Variants in SORCS1 observed in about 807,000 individuals in gnomAD.
SORCS1 encodes sortilin related VPS10 domain containing receptor 1.
A neutral mutation model predicts 146.1 loss-of-function variants in SORCS1; 60 were observed. The ratio of observed to expected loss-of-function variants is 0.41; its 90% confidence interval spans 0.33 to 0.51. The LOEUF (loss-of-function observed/expected upper bound fraction) is 0.51. Ranked by LOEUF, SORCS1 falls within the 20% of genes least tolerant of loss-of-function variation. SORCS1 has a pLI of 0.21. For synonymous variants in SORCS1, 637 were observed against 584.0 expected (o/e 1.09, Z -1.31); for missense variants, 1,352 against 1,487.6 (o/e 0.91, Z 1.50).
chr10:107,146,417 G>T (rs993932434), intron 1 of SORCS1, among the ~76,000 whole-genome samples: 1 of 152,072 alleles, frequency 6.6e-6, no homozygotes, highest in South Asian at 2.1e-4. Context: ...TAGCTTTGGG[G>T]GTTTTGAAAA....
chr10:106,711,808 C>T (rs764090633), intron 6 of SORCS1, among the ~76,000 whole-genome samples: 1 of 152,134 alleles, frequency 6.6e-6, no homozygotes, highest in Non-Finnish European at 1.5e-5. Context: ...TGGGACTATC[C>T]CTTCCCAGAA....
At chr10:106,602,605 T>C (rs958638641) in intron 23 of SORCS1, among the ~76,000 whole-genome samples, 2 of 150,792 alleles carry the variant, frequency 1.3e-5, no homozygotes, top group Non-Finnish European at 2.9e-5. Context: ...TCCTGGATAA[T>C]GGTTCATGAA....
intron 3 of SORCS1, among the ~76,000 whole-genome samples, chr10:106,794,237 G>C (rs75547084): frequency 1.3e-5 from 2 of 152,132 alleles, no homozygotes; most frequent in East Asian, 3.9e-4. Flanking sequence ...CCCCTATAGA[G>C]AGGTCATAAG....
chr10:106,716,293 T>G (rs821947), intron 6 of SORCS1, among the ~76,000 whole-genome samples: 127,200 of 152,078 alleles, frequency 0.84, 54,544 homozygotes, highest in Non-Finnish European at 0.94. Flanking sequence ...CTGTTGGAGC[T>G]ATCTTCTAGG....
At chr10:107,033,330 C>T (rs1016639699) in intron 1 of SORCS1, among the ~76,000 whole-genome samples, 15 of 152,074 alleles carry the variant, frequency 9.9e-5, no homozygotes, top group African/African-American at 2.2e-4. Context: ...GATCGCAACT[C>T]GAAATGAGAT....
intron 9 of SORCS1, among the ~76,000 whole-genome samples, chr10:106,698,847 G>A (rs1021209613): frequency 2.0e-5 from 3 of 152,092 alleles, no homozygotes; most frequent in Admixed American, 6.6e-5. Context: ...TGAGAGACAA[G>A]GGAGTGCATC....
intron 1 of SORCS1, among the ~76,000 whole-genome samples, chr10:107,004,193 A>T (rs996510607): frequency 5.3e-5 from 8 of 151,628 alleles, no homozygotes; most frequent in Non-Finnish European, 1.2e-4. Context: ...AAAAAAAAAA[A>T]AAAAAAGCAG....
chr10:106,717,240 T>A (rs575265354), intron 6 of SORCS1, among the ~76,000 whole-genome samples: 1 of 152,238 alleles, frequency 6.6e-6, no homozygotes, highest in African/African-American at 2.4e-5. Flanking sequence ...GTTCTACTGC[T>A]CTATTACTTA....
At chr10:107,047,801 C>G (rs533616194) in intron 1 of SORCS1, among the ~76,000 whole-genome samples, 2 of 152,196 alleles carry the variant, frequency 1.3e-5, no homozygotes, top group East Asian at 3.9e-4. Context: ...AGGAAGCTTG[C>G]CGGGTGCGTT....
intron 3 of SORCS1, among the ~76,000 whole-genome samples, chr10:106,799,758 T>C (rs1046221837): frequency 6.6e-6 from 1 of 152,060 alleles, no homozygotes; most frequent in South Asian, 2.1e-4. Flanking sequence ...AGTGGAGAAA[T>C]AGGAACACTT....
chr10:106,806,449 C>T (rs1221584688), intron 3 of SORCS1, among the ~76,000 whole-genome samples: 1 of 141,786 alleles, frequency 7.1e-6, no homozygotes, highest in African/African-American at 2.5e-5. Flanking sequence ...GTAGCGTCTA[C>T]CTACCCATGG....
Position 107,164,358 on chromosome 10 carries a change from A to C in SORCS1, c.169T>G (p.Ser57Ala), listed in dbSNP as rs1364930823. 2 of 1,515,206 alleles carry C rather than the reference A, an allele frequency of 1.3e-6. No individual in the cohort carries two copies. Among genetic ancestry groups the C allele is most frequent in the Non-Finnish European group, 1.8e-6 (2 of 1,133,930 alleles). The allele number at this position is 1,515,206 out of a possible 1,614,324, so 93.9% of individuals were successfully genotyped here. ...PRSASTPRGF[S>A]HQGRPGRAPA... ...GCCCTGCCTGGCCGCCCCTGGTGGGAAAAGCCCCTAGGGGTCGAGGCCGAG... is the reference window on the plus strand; with the variant it reads ...GCCCTGCCTGGCCGCCCCTGGTGGGCAAAGCCCCTAGGGGTCGAGGCCGAG... The change falls in exon 1 of 26, where the codon TCC (serine) becomes GCC (alanine). Residue 57 changes from serine (S) to alanine (A), a missense_variant. By Grantham distance (99) the Ser-to-Ala change is moderately conservative (BLOSUM62 1). Around this residue, in one of 3 missense-constraint regions of SORCS1, gnomAD observed 490 missense variants for 489.1 expected, o/e 1.00. Transcript: ENST00000263054. This position sits in a 1 kb window ranked among gnomAD's most constrained non-coding sequence, Gnocchi z 6.8.
chr10:106,941,667 G>A (rs1036362011), intron 2 of SORCS1, among the ~76,000 whole-genome samples: 3 of 152,162 alleles, frequency 2.0e-5, no homozygotes, highest in Non-Finnish European at 2.9e-5. Context: ...GCCAAAGTAA[G>A]GTCAACTTAG....
chr10:107,158,301 A>C (rs562501205), intron 1 of SORCS1, among the ~76,000 whole-genome samples: 2 of 152,336 alleles, frequency 1.3e-5, no homozygotes, highest in South Asian at 4.1e-4. Flanking sequence ...CATATTTTTC[A>C]ATCATTCCTA....
In SORCS1 at chr10:106,579,133, G is replaced by T. The variant is rs758761446; in HGVS notation, c.3371+236C>A. ...ACCTTCTCATCTATAAGCTGGCCAG[G>T]CCTCCTTAGTTCAGTCTGAGGGACA... On this transcript the variant is annotated intron_variant, in intron 25 of 25. Coordinates refer to ENST00000263054, the MANE Select transcript of SORCS1 (RefSeq NM_052918.5). 7.4e-6 allele frequency: 12 copies of T among 1,614,074 alleles called. No homozygotes were observed. The East Asian group carries it at 2.7e-4, about 36-fold the overall frequency.
intron 3 of SORCS1, among the ~76,000 whole-genome samples, chr10:106,801,224 T>C (rs1406149746): frequency 6.6e-6 from 1 of 152,148 alleles, no homozygotes; most frequent in Non-Finnish European, 1.5e-5. Context: ...TATTCATAAT[T>C]TTAAGGAAAG....
intron 2 of SORCS1, among the ~76,000 whole-genome samples, chr10:106,908,464 T>C (rs1460484549): frequency 6.6e-6 from 1 of 152,200 alleles, no homozygotes; most frequent in Non-Finnish European, 1.5e-5. Context: ...CTAATGAGCA[T>C]TTTTGTCCCT....
chr10:107,015,340 T>TCA (rs141929986), intron 1 of SORCS1, among the ~76,000 whole-genome samples: 1,776 of 151,948 alleles, frequency 0.012, 20 homozygotes, highest in Non-Finnish European at 0.018. Flanking sequence ...GTTATTGCCA[T>TCA]CACACACACA....
chr10:107,107,505 G>A (rs138570637), intron 1 of SORCS1, among the ~76,000 whole-genome samples: 1 of 152,350 alleles, frequency 6.6e-6, no homozygotes, highest in Non-Finnish European at 1.5e-5. Context: ...ACAAAGCACT[G>A]AAGGAGTGGC....
Sources: allele counts gnomAD v4.1 joint callset (sites outside exome capture counted in the v4.1 genomes callset), GRCh38; gene constraint gnomAD v4.1.1; regional missense constraint gnomAD v4.1.1; non-coding constraint Gnocchi (gnomAD v3.1); transcripts MANE v1.5; gene names NCBI Gene and HGNC (gene_info 2026-07-23, HGNC 2026-07-21).